The following CERKL variants were observed in gnomAD, a reference collection of about 807,000 sequenced individuals.
The protein encoded by CERKL is ceramide kinase-like protein.
Under a neutral mutation model 63.4 loss-of-function variants are expected in CERKL, and 61 were observed. The ratio of observed to expected loss-of-function variants is 0.96; its 90% CI spans 0.78 to 1.19. CERKL has a LOEUF of 1.19. Among genes scored for constraint, CERKL ranks in the 50% most tolerant of loss-of-function variants. CERKL has a pLI of 0.00. For synonymous variants in CERKL, 250 were observed against 230.5 expected, an observed-to-expected ratio of 1.08 and a Z score of -0.77; for missense variants, 675 against 655.5, an observed-to-expected ratio of 1.03 and a Z score of -0.33.
intron 2 of CERKL, among the ~76,000 whole-genome samples, chr2:181,578,875 C>A (rs979504185): frequency 6.6e-6 from 1 of 151,912 alleles, no homozygotes; most frequent in African/African-American, 2.4e-5. Flanking sequence ...AATAACAATG[C>A]AATGAATGCT....
chr2:181,595,925 T>A (rs931118495), intron 2 of CERKL, among the ~76,000 whole-genome samples: 2 of 152,212 alleles, frequency 1.3e-5, no homozygotes, highest in African/African-American at 4.8e-5. Context: ...ACCTACTAAA[T>A]GCTTAATAAA....
At chr2:181,652,174 A>G (rs904706988) in intron 1 of CERKL, among the ~76,000 whole-genome samples, 1 of 152,196 alleles carries the variant, frequency 6.6e-6, no homozygotes, top group Non-Finnish European at 1.5e-5. Context: ...AGAACCACAA[A>G]AAAAACCCCA....
intron 1 of CERKL, 38 bp downstream of exon 1, chr2:181,656,731 G>A (rs778322117): frequency 6.6e-7 from 1 of 1,509,408 alleles, no homozygotes. Flanking sequence ...GGGAGGAAGC[G>A]CGGAGGGAGG....
chr2:181,538,192 G>T lies in CERKL; in HGVS notation c.1591C>A (p.Pro531Thr), dbSNP rs1559065836. 7.6e-6 allele frequency: 12 copies of T among 1,571,958 alleles called. No individual in the cohort carries two copies. The highest frequency in any genetic ancestry group is 9.6e-6 in the Non-Finnish European group (11 of 1,143,086). Residue 531 changes from proline to threonine, a missense_variant, in exon 13 of 13, where the codon CCA (proline) becomes ACA (threonine). Transcript: ENST00000410087. ...LYGGSMEEMI[P>T]K The stretch of plus-strand genomic sequence containing the variant: ...TTAGAAACAATTACATGTTACTTTG[G>T]AATCATTTCTTCCATGCTTCCTCCA...
intron 2 of CERKL, among the ~76,000 whole-genome samples, chr2:181,585,817 A>T (rs1055823588): frequency 6.6e-6 from 1 of 152,232 alleles, no homozygotes; most frequent in Non-Finnish European, 1.5e-5. Context: ...ACAAGTCATC[A>T]GTGATAAAAT....
At chr2:181,627,218 T>C (rs879780113) in intron 1 of CERKL, among the ~76,000 whole-genome samples, 2 of 152,192 alleles carry the variant, frequency 1.3e-5, no homozygotes, top group Admixed American at 1.3e-4. Context: ...AACCGTCACG[T>C]GGACCTTCAC....
At chr2:181,604,159 G>T in intron 1 of CERKL, 80 bp from the exon 2 acceptor site, 1 of 1,187,584 alleles carries the variant, frequency 8.4e-7, no homozygotes, top group Non-Finnish European at 1.2e-6. Flanking sequence ...TTACCAGAGG[G>T]TAGAAAGTGA....
At chr2:181,654,443 T>C (rs1198790447) in intron 1 of CERKL, among the ~76,000 whole-genome samples, 1 of 152,350 alleles carries the variant, frequency 6.6e-6, no homozygotes, top group African/African-American at 2.4e-5. Flanking sequence ...AAAGATCACA[T>C]AGTATTTTAT....
chr2:181,629,679 T>C (rs1319330216), intron 1 of CERKL, among the ~76,000 whole-genome samples: 6 of 151,956 alleles, frequency 3.9e-5, no homozygotes, highest in African/African-American at 1.4e-4. Flanking sequence ...CAGAAAACTT[T>C]AGAACAAGCA....
At chr2:181,577,269 G>A (rs191429227) in intron 2 of CERKL, among the ~76,000 whole-genome samples, 163 of 152,322 alleles carry the variant, frequency 1.1e-3, no homozygotes, top group Non-Finnish European at 1.7e-3. Context: ...TAAGTCTTCA[G>A]GGAGTAAAGA....
intron 1 of CERKL, among the ~76,000 whole-genome samples, chr2:181,605,696 A>G (rs1399696861): frequency 6.6e-6 from 1 of 152,224 alleles, no homozygotes; most frequent in African/African-American, 2.4e-5. Flanking sequence ...AAAATTCACA[A>G]TGTCACTCAT....
At chr2:181,551,446 A>C (rs11890431) in intron 5 of CERKL, among the ~76,000 whole-genome samples, 89,922 of 151,880 alleles carry the variant, frequency 0.59, 26,866 homozygotes, top group South Asian at 0.83. Context: ...CAGAATCTAC[A>C]AGGAACTTAA....
At chr2:181,656,113 AC>A (rs1436493920) in intron 1 of CERKL, among the ~76,000 whole-genome samples, 1 of 152,250 alleles carries the variant, frequency 6.6e-6, no homozygotes, top group Non-Finnish European at 1.5e-5. Context: ...CGTTAAGCAA[AC>A]CGCTTGACGT....
At chr2:181,618,771 A>T (rs376506582) in intron 1 of CERKL, among the ~76,000 whole-genome samples, 4 of 152,330 alleles carry the variant, frequency 2.6e-5, no homozygotes, top group African/African-American at 9.6e-5. Flanking sequence ...AATACAACAA[A>T]TATCAATGGT....
At chr2:181,608,894 A>T (rs1685835266) in intron 1 of CERKL, among the ~76,000 whole-genome samples, 1 of 152,204 alleles carries the variant, frequency 6.6e-6, no homozygotes, top group Non-Finnish European at 1.5e-5. Context: ...AGCTGGCTAC[A>T]AATATGTCTA....
intron 3 of CERKL, among the ~76,000 whole-genome samples, chr2:181,569,174 T>A (rs1445602145): frequency 6.6e-6 from 1 of 152,190 alleles, no homozygotes; most frequent in Non-Finnish European, 1.5e-5. Context: ...CTAACTCACA[T>A]CTGAATGCTG....
chr2:181,578,374 A>C (rs778387893), intron 2 of CERKL, among the ~76,000 whole-genome samples: 1 of 152,130 alleles, frequency 6.6e-6, no homozygotes, highest in Non-Finnish European at 1.5e-5. Flanking sequence ...ATCTTGGCTC[A>C]CTACAACCTT....
intron 1 of CERKL, among the ~76,000 whole-genome samples, chr2:181,649,329 G>C (rs964698083): frequency 6.6e-6 from 1 of 152,080 alleles, no homozygotes; most frequent in African/African-American, 2.4e-5. Flanking sequence ...ATATGATAAA[G>C]GGATCAATTC....
intron 1 of CERKL, among the ~76,000 whole-genome samples, chr2:181,655,972 C>A (rs1224341641): frequency 6.6e-6 from 1 of 152,122 alleles, no homozygotes; most frequent in Non-Finnish European, 1.5e-5. Flanking sequence ...GCAAAATGGT[C>A]TTTATAAAAT....
Sources: gnomAD v4.1 joint callset for allele counts (sites outside exome capture counted in the v4.1 genomes callset) on GRCh38, gnomAD v4.1.1 for gene constraint, MANE v1.5 for transcripts, NCBI Gene and HGNC (gene_info 2026-07-23, HGNC 2026-07-21) for gene names.